The following UBE2E2 variants were observed in gnomAD, a reference collection of about 807,000 sequenced individuals.
The protein encoded by UBE2E2 is ubiquitin-conjugating enzyme E2 E2.
Under a neutral mutation model 24.7 loss-of-function variants are expected in UBE2E2, and 6 were observed. That is an observed-to-expected ratio of 0.24 (90% CI 0.13 to 0.48). The LOEUF (loss-of-function observed/expected upper bound fraction) is 0.48. Among genes scored for constraint, UBE2E2 ranks in the 20% least tolerant of loss-of-function variants. UBE2E2 has a pLI of 0.99. For synonymous variants in UBE2E2, 104 were observed against 83.6 expected, an observed-to-expected ratio of 1.24 and a Z score of -1.33; for missense variants, 169 against 245.0, an observed-to-expected ratio of 0.69 and a Z score of 2.07.
intron 3 of UBE2E2, among the ~76,000 whole-genome samples, chr3:23,348,222 A>G (rs1695619249): frequency 6.6e-6 from 1 of 152,082 alleles, no homozygotes; most frequent in Admixed American, 6.5e-5. Flanking sequence ...AACCTAGAGA[A>G]CCTTATCTCT....
intron 3 of UBE2E2, among the ~76,000 whole-genome samples, chr3:23,319,862 C>A (rs537699383): frequency 7.3e-5 from 11 of 151,694 alleles, no homozygotes; most frequent in East Asian, 5.8e-4. Flanking sequence ...ACCCAAAAAA[C>A]CAAAAAACAA....
At chr3:23,243,771 G>T (rs1399851373) in intron 3 of UBE2E2, among the ~76,000 whole-genome samples, 1 of 149,426 alleles carries the variant, frequency 6.7e-6, no homozygotes, top group African/African-American at 2.5e-5. Flanking sequence ...TGGCCTTAAA[G>T]TTTTAATAAT....
chr3:23,398,243 G>A (rs1322979598), intron 3 of UBE2E2, among the ~76,000 whole-genome samples: 1 of 148,040 alleles, frequency 6.8e-6, no homozygotes, highest in Non-Finnish European at 1.5e-5. Context: ...AACCTGGGAG[G>A]CAGAGGTTTC....
At chr3:23,496,450 T>C (rs1453859738) in intron 3 of UBE2E2, among the ~76,000 whole-genome samples, 1 of 152,166 alleles carries the variant, frequency 6.6e-6, no homozygotes. Flanking sequence ...TTTTTCTTAC[T>C]GGTTTTCTTT....
intron 3 of UBE2E2, among the ~76,000 whole-genome samples, chr3:23,478,767 A>G (rs1167288194): frequency 6.6e-6 from 1 of 152,182 alleles, no homozygotes; most frequent in Non-Finnish European, 1.5e-5. Context: ...GAGGTGAGTC[A>G]TGATGGCTCT....
intron 3 of UBE2E2, among the ~76,000 whole-genome samples, chr3:23,337,139 CAAA>C (rs1053628403): frequency 4.0e-5 from 3 of 74,218 alleles, no homozygotes; most frequent in African/African-American, 5.2e-5. Context: ...GAGCCTGTCT[CAAA>C]AAAAAAAAAA....
At chr3:23,208,086 T>C (rs1023284549) in intron 1 of UBE2E2, among the ~76,000 whole-genome samples, 5 of 152,108 alleles carry the variant, frequency 3.3e-5, no homozygotes, top group Non-Finnish European at 5.9e-5. Context: ...CAGGCTGGAA[T>C]GCAGTGGTAT....
Position 23,306,281 on chromosome 3 carries a change from G to C in UBE2E2, c.227+88969G>C, listed in dbSNP as rs115511409. Among the ~76,000 whole-genome samples the C allele has an allele frequency of 4.4e-3, 666 of 152,260 alleles. 2 individuals carry two copies. The highest frequency in any genetic ancestry group is 6.5e-3 in the Non-Finnish European group (442 of 68,016). Reference sequence around the variant, plus strand: ...CTGTGTCTCAGTTCTCTGACTAGCTGACATTGCTGTAAATTTGGTATGTAT... The same window carrying C: ...CTGTGTCTCAGTTCTCTGACTAGCTCACATTGCTGTAAATTTGGTATGTAT... On this transcript the variant is annotated intron_variant, in intron 3 of 5. Coordinates refer to ENST00000396703, the MANE Select transcript of UBE2E2 (RefSeq NM_152653.4).
chr3:23,578,212 C>G (rs75114820), intron 5 of UBE2E2, among the ~76,000 whole-genome samples: 3,392 of 151,986 alleles, frequency 0.022, 145 homozygotes, highest in African/African-American at 0.077. Context: ...TAGAGAAATG[C>G]AAATTAAACC....
At chr3:23,481,777 A>C (rs1040874353) in intron 3 of UBE2E2, among the ~76,000 whole-genome samples, 2 of 152,236 alleles carry the variant, frequency 1.3e-5, no homozygotes, top group Non-Finnish European at 2.9e-5. Context: ...GCACTGCCAA[A>C]AGCAAAAACC....
At chr3:23,573,693 A>T (rs1696277059) in intron 5 of UBE2E2, among the ~76,000 whole-genome samples, 1 of 152,220 alleles carries the variant, frequency 6.6e-6, no homozygotes. Flanking sequence ...ATGTACCAAT[A>T]TCTTTTCTCA....
chr3:23,237,556 AC>A (rs2125335930), intron 3 of UBE2E2, among the ~76,000 whole-genome samples: 1 of 152,290 alleles, frequency 6.6e-6, no homozygotes, highest in Non-Finnish European at 1.5e-5. Flanking sequence ...CTTGGAGATC[AC>A]ATGGACTCTT....
chr3:23,329,234 A>G (rs1309844170), intron 3 of UBE2E2, among the ~76,000 whole-genome samples: 2 of 152,190 alleles, frequency 1.3e-5, no homozygotes, highest in Admixed American at 6.5e-5. Flanking sequence ...ATAGGCAAAT[A>G]TTTATGGAGT....
chr3:23,553,292 A>AT (rs1463763590), intron 5 of UBE2E2, among the ~76,000 whole-genome samples: 1 of 151,328 alleles, frequency 6.6e-6, no homozygotes, highest in East Asian at 1.9e-4. Context: ...TTGATATTAC[A>AT]TTATAAACTT....
chr3:23,534,838 A>T (rs921673878), intron 5 of UBE2E2, among the ~76,000 whole-genome samples: 2 of 152,342 alleles, frequency 1.3e-5, no homozygotes, highest in African/African-American at 4.8e-5. Flanking sequence ...ATTTTCCTAC[A>T]CTGAATCTGT....
chr3:23,475,633 G>A (rs749420528), intron 3 of UBE2E2, among the ~76,000 whole-genome samples: 5 of 151,980 alleles, frequency 3.3e-5, no homozygotes, highest in East Asian at 1.9e-4. Context: ...GATAAGGCTC[G>A]CAAATCCAGT....
chr3:23,427,111 A>C (rs1697944521), intron 3 of UBE2E2, among the ~76,000 whole-genome samples: 1 of 152,000 alleles, frequency 6.6e-6, no homozygotes, highest in East Asian at 1.9e-4. Context: ...CCCTAGGAGA[A>C]TCATTTTTCA....
At chr3:23,449,827 A>G (rs1698522227) in intron 3 of UBE2E2, 1 of 979,056 alleles carries the variant, frequency 1.0e-6, no homozygotes, top group Non-Finnish European at 1.2e-6. Context: ...AAAGCTGGCT[A>G]ACAATGAAAT....
intron 3 of UBE2E2, among the ~76,000 whole-genome samples, chr3:23,343,909 T>C (rs1695473334): frequency 6.6e-6 from 1 of 152,266 alleles, no homozygotes; most frequent in Non-Finnish European, 1.5e-5. Flanking sequence ...TGCTGTGTAA[T>C]ATTCCATTGT....
Sources: allele counts gnomAD v4.1 joint callset (sites outside exome capture counted in the v4.1 genomes callset), GRCh38; gene constraint gnomAD v4.1.1; transcripts MANE v1.5; gene names NCBI Gene and HGNC (gene_info 2026-07-23, HGNC 2026-07-21).